Variants in SMIM31 observed in about 807,000 individuals in gnomAD.
The protein encoded by SMIM31 is small integral membrane protein 31.
intron 1 of SMIM31, among the ~76,000 whole-genome samples, chr4:164,764,825 T>C (rs1192029610): frequency 1.3e-5 from 2 of 152,190 alleles, no homozygotes; most frequent in Non-Finnish European, 2.9e-5. Context: ...ATCCCTCTCA[T>C]AAAAGGAGAA....
intron 2 of SMIM31, among the ~76,000 whole-genome samples, chr4:164,783,434 G>A (rs187713522): frequency 1.1e-3 from 164 of 150,920 alleles, no homozygotes; most frequent in African/African-American, 3.9e-3. Flanking sequence ...TGAGGCAGGA[G>A]ACTCGCTTGA....
At chr4:164,776,480 G>A (rs1473310550) in intron 2 of SMIM31, among the ~76,000 whole-genome samples, 1 of 152,090 alleles carries the variant, frequency 6.6e-6, no homozygotes, top group Non-Finnish European at 1.5e-5. Context: ...TCAGAGGAGA[G>A]GTAATACAGG....
At chr4:164,794,616 C>G (rs1474667763) in intron 2 of SMIM31, among the ~76,000 whole-genome samples, 1 of 151,972 alleles carries the variant, frequency 6.6e-6, no homozygotes, top group Non-Finnish European at 1.5e-5. Context: ...ACCATCCTGG[C>G]CAACATGGTG....
chr4:164,801,685 T>C lies in SMIM31; in HGVS notation c.*491T>C, dbSNP rs1202624844. 4.3e-4 allele frequency: 65 copies of C among 152,202 alleles called. No individual in the cohort carries two copies. Among genetic ancestry groups the C allele is most frequent in the Admixed American group, 4.3e-3 (65 of 15,272 alleles). The allele number at this position is 152,202 out of a possible 1,614,324, so 9.4% of individuals were successfully genotyped here. A position where few individuals can be genotyped will look rare whatever the true frequency, so the allele number is the denominator to read the frequency against. On this transcript the variant is annotated 3_prime_UTR_variant, in exon 3 of 3. Transcript: ENST00000507311. ...AGAGGGAAAAAACACTATATATTTT[T>C]TCAGCTTTACAGAAGAAATTTTGAA...
chr4:164,800,358 C>A (rs1733266769), intron 2 of SMIM31, among the ~76,000 whole-genome samples: 1 of 151,984 alleles, frequency 6.6e-6, no homozygotes, highest in African/African-American at 2.4e-5. Flanking sequence ...TACAGACGCG[C>A]CACCATGCCT....
At chr4:164,788,122 A>T (rs911100903) in intron 2 of SMIM31, among the ~76,000 whole-genome samples, 1 of 152,218 alleles carries the variant, frequency 6.6e-6, no homozygotes, top group Non-Finnish European at 1.5e-5. Context: ...GAAAATAAAT[A>T]TCGTCAGCAA....
chr4:164,763,584 G>C (rs1167561313), intron 1 of SMIM31, among the ~76,000 whole-genome samples: 2 of 152,144 alleles, frequency 1.3e-5, no homozygotes, highest in African/African-American at 4.8e-5. Context: ...CTGTATGATT[G>C]AGCATTCACC....
chr4:164,767,894 G>A (rs963968276), intron 1 of SMIM31, among the ~76,000 whole-genome samples: 1 of 151,996 alleles, frequency 6.6e-6, no homozygotes, highest in Non-Finnish European at 1.5e-5. Flanking sequence ...CCATTATTTT[G>A]CGTTTATTTG....
intron 2 of SMIM31, among the ~76,000 whole-genome samples, chr4:164,793,503 A>G (rs925290935): frequency 2.0e-5 from 3 of 152,204 alleles, no homozygotes; most frequent in Admixed American, 1.3e-4. Flanking sequence ...TATTTTTTAC[A>G]GTTCTGGAGG....
At chr4:164,773,421 A>G (rs1273878199) in intron 2 of SMIM31, among the ~76,000 whole-genome samples, 1 of 152,238 alleles carries the variant, frequency 6.6e-6, no homozygotes, top group Non-Finnish European at 1.5e-5. Context: ...ACAGTTCAGC[A>G]TGGCTGGGGA....
intron 2 of SMIM31, among the ~76,000 whole-genome samples, chr4:164,788,794 C>G (rs1007677305): frequency 1.3e-5 from 2 of 152,108 alleles, no homozygotes; most frequent in African/African-American, 4.8e-5. Context: ...CCCTTTTCTT[C>G]TAATTTTTTA....
chr4:164,778,863 C>T (rs1732911329), intron 2 of SMIM31, among the ~76,000 whole-genome samples: 1 of 152,032 alleles, frequency 6.6e-6, no homozygotes, highest in Non-Finnish European at 1.5e-5. Flanking sequence ...TTCAGGTATC[C>T]TTGAACAAAC....
chr4:164,783,348 A>G (rs1330298315), intron 2 of SMIM31, among the ~76,000 whole-genome samples: 2 of 151,560 alleles, frequency 1.3e-5, no homozygotes, highest in East Asian at 1.9e-4. Context: ...ACATGGTGAA[A>G]CCCCATCTCT....
rs1341989874 is a variant in SMIM31 at position 164,802,510 on chromosome 4, A to T, written c.*1316A>T. ...CTTAGCCTCCCAAAGCACTGGGATT[A>T]CACGCATGAGCCACCATGCCTGGCC... On this transcript the variant is annotated 3_prime_UTR_variant, in exon 3 of 3. Coordinates refer to ENST00000507311, the MANE Select transcript of SMIM31 (RefSeq NM_001352885.1). 1 of 152,326 alleles carries T rather than the reference A, an allele frequency of 6.6e-6. No individual in the cohort carries two copies. The highest frequency in any genetic ancestry group is 1.5e-5 in the Non-Finnish European group (1 of 68,114). 9.4% of individuals were successfully genotyped at this position (152,326 alleles called of 1,614,324 possible).
At chr4:164,761,922 CAAATAAATAAAT>C (rs200368340) in intron 1 of SMIM31, among the ~76,000 whole-genome samples, 4,189 of 146,662 alleles carry the variant, frequency 0.029, 138 homozygotes, top group African/African-American at 0.083. Flanking sequence ...GACTCCACCT[CAAATAAATAAAT>C]AAATAAATAA....
At chr4:164,773,610 T>C (rs1429640717) in intron 2 of SMIM31, among the ~76,000 whole-genome samples, 1 of 152,160 alleles carries the variant, frequency 6.6e-6, no homozygotes, top group African/African-American at 2.4e-5. Context: ...CCCATGATTC[T>C]ATTACCTCCA....
rs779023276 is a variant in SMIM31, at chr4:164,758,622, C to CTTTTTTTTTTTT, written c.-26+4218_-26+4219insTTTTTTTTTTTT. 4.7e-5 allele frequency among the ~76,000 whole-genome samples: 5 copies of CTTTTTTTTTTTT among 105,390 alleles called. 1 individual carries two copies. The highest frequency in any genetic ancestry group is 3.9e-5 in the Non-Finnish European group (2 of 51,334). 69.1% of individuals were successfully genotyped at this position (105,390 alleles called of 152,430 possible). ...GGAAATGACCATATATGTAGTTTTC[C>CTTTTTTTTTTTT]TTTTTTTGTTTTTTTTTTTTTTTTT... On this transcript the variant is annotated intron_variant, in intron 1 of 2. Transcript: ENST00000507311.
chr4:164,764,587 T>TAAA (rs1732695820), intron 1 of SMIM31, among the ~76,000 whole-genome samples: 1 of 144,050 alleles, frequency 6.9e-6, no homozygotes, highest in African/African-American at 2.5e-5. Context: ...AAGAAAAAAA[T>TAAA]AGAAAAAAAT....
intron 2 of SMIM31, 93 bp from the exon 3 acceptor site, chr4:164,800,998 T>C: frequency 2.5e-6 from 1 of 395,132 alleles, no homozygotes; most frequent in Middle Eastern, 6.4e-4. Context: ...GTTACATTAG[T>C]GAGCACCCAA....
Sources: allele counts gnomAD v4.1 joint callset (sites outside exome capture counted in the v4.1 genomes callset), GRCh38; gene constraint gnomAD v4.1.1; transcripts MANE v1.5; gene names NCBI Gene and HGNC (gene_info 2026-07-23, HGNC 2026-07-21).